Variants in DEPDC1B observed in about 807,000 individuals in gnomAD.
DEPDC1B encodes the protein DEP domain-containing protein 1B.
A neutral mutation model predicts 66.5 loss-of-function variants in DEPDC1B; 51 were observed. That is an observed-to-expected ratio of 0.77 (90% CI 0.61 to 0.97). DEPDC1B has a LOEUF of 0.97. Among genes scored for constraint, DEPDC1B ranks in the 50% least tolerant of loss-of-function variants. The pLI, the probability that DEPDC1B is intolerant of heterozygous loss-of-function variation, is 0.00. For synonymous variants in DEPDC1B, 226 were observed against 223.6 expected (o/e 1.01, Z -0.10); for missense variants, 552 against 637.1 (o/e 0.87, Z 1.44).
At chr5:60,653,602 TTTAA>T (rs1442124628) in intron 2 of DEPDC1B, among the ~76,000 whole-genome samples, 1 of 152,158 alleles carries the variant, frequency 6.6e-6, no homozygotes, top group Non-Finnish European at 1.5e-5. Flanking sequence ...AGCTTTTTAG[TTTAA>T]TTAAGTCCCA....
chr5:60,642,957 G>C, intron 5 of DEPDC1B, 98 bp from the exon 6 acceptor site: 1 of 837,398 alleles, frequency 1.2e-6, no homozygotes. Context: ...CAAGTAATAT[G>C]AACCATATCT....
At chr5:60,676,602 C>T (rs1754167811) in intron 2 of DEPDC1B, among the ~76,000 whole-genome samples, 1 of 152,176 alleles carries the variant, frequency 6.6e-6, no homozygotes, top group African/African-American at 2.4e-5. Context: ...TCCCTTTTCT[C>T]CCAGGAAGCT....
rs1330304999 is a variant in DEPDC1B at position 60,700,128 on chromosome 5, C to T, written c.-35G>A. 2 of 1,533,950 alleles carry T rather than the reference C, an allele frequency of 1.3e-6. No homozygotes were observed. The highest frequency in any genetic ancestry group is 1.2e-5 in the South Asian group (1 of 83,156). ...GCAGCAGCGGCCGCAGCCGCGCCAG[C>T]GCTGATCCCCGCCAGCCGGAGGAGC... is the stretch of plus-strand genomic sequence containing the variant. On this transcript the variant is annotated 5_prime_UTR_variant, in exon 1 of 11. Coordinates refer to ENST00000265036, the MANE Select transcript of DEPDC1B (RefSeq NM_018369.3).
At chr5:60,657,164 C>A (rs1452164133) in intron 2 of DEPDC1B, among the ~76,000 whole-genome samples, 3 of 152,146 alleles carry the variant, frequency 2.0e-5, no homozygotes, top group Non-Finnish European at 4.4e-5. Flanking sequence ...ACCCCGTTAC[C>A]TTTAGTTTAT....
chr5:60,656,960 T>C (rs938193820), intron 2 of DEPDC1B, among the ~76,000 whole-genome samples: 4 of 152,218 alleles, frequency 2.6e-5, no homozygotes, highest in African/African-American at 7.2e-5. Flanking sequence ...TTTTATAAAT[T>C]TGAAAGCTCC....
At chr5:60,610,845 G>T (rs79957719) in intron 7 of DEPDC1B, among the ~76,000 whole-genome samples, 1,798 of 152,124 alleles carry the variant, frequency 0.012, 33 homozygotes, top group African/African-American at 0.041. Context: ...AAACTTTTTT[G>T]ATTTTTCAGC....
intron 2 of DEPDC1B, among the ~76,000 whole-genome samples, chr5:60,657,360 G>T (rs1186398588): frequency 2.0e-5 from 3 of 151,244 alleles, no homozygotes; most frequent in South Asian, 2.1e-4. Flanking sequence ...ATACCTTGTT[G>T]TTTTTTTTCA....
At chr5:60,660,274 GAGAC>G (rs745699470) in intron 2 of DEPDC1B, among the ~76,000 whole-genome samples, 8 of 148,642 alleles carry the variant, frequency 5.4e-5, no homozygotes, top group Non-Finnish European at 7.4e-5. Flanking sequence ...GACAGAGAGA[GAGAC>G]AGAGAGGAGA....
At position 60,617,664 on chromosome 5, in the gene DEPDC1B, C is replaced by T. The variant is rs566211449; in HGVS notation, c.899-11808G>A. Among the ~76,000 whole-genome samples, 17 of 152,262 alleles carry T rather than the reference C, an allele frequency of 1.1e-4. No individual in the cohort carries two copies. In the East Asian group the frequency reaches 1.7e-3, roughly 16 times the overall value. On this transcript the variant is annotated intron_variant, in intron 7 of 10. Transcript: ENST00000265036. Reference sequence around the variant, plus strand: ...AAGTCCTTAGAGACCTACTAAGAGACGTAGACTCCCACACAATAATAATGG... The same window carrying T: ...AAGTCCTTAGAGACCTACTAAGAGATGTAGACTCCCACACAATAATAATGG...
At chr5:60,641,891 A>G (rs537616911) in intron 6 of DEPDC1B, among the ~76,000 whole-genome samples, 2 of 152,224 alleles carry the variant, frequency 1.3e-5, no homozygotes, top group African/African-American at 4.8e-5. Context: ...ACACAAACCA[A>G]TGGTTACTAT....
rs112370137 is a variant in DEPDC1B, at chr5:60,602,534, G to C, written c.1242+857C>G. Among the ~76,000 whole-genome samples the C allele has an allele frequency of 1.2e-3, 185 of 152,184 alleles. 2 individuals are homozygous for C. The highest frequency in any genetic ancestry group is 4.4e-3 in the African/African-American group (184 of 41,514). On this transcript the variant is annotated intron_variant, in intron 9 of 10. Coordinates refer to ENST00000265036, the MANE Select transcript of DEPDC1B (RefSeq NM_018369.3). ...CCAATCAGTCAGAAGGAGTCAAGTG[G>C]ACCTTCTGCCTGCCTTTACCAGGTT...
intron 2 of DEPDC1B, among the ~76,000 whole-genome samples, chr5:60,655,811 G>T (rs566701386): frequency 1.3e-5 from 2 of 148,740 alleles, no homozygotes; most frequent in Admixed American, 1.3e-4. Flanking sequence ...ATTTTCATAG[G>T]TTGGGTCACT....
intron 7 of DEPDC1B, among the ~76,000 whole-genome samples, chr5:60,610,153 T>C (rs1752386986): frequency 6.6e-6 from 1 of 152,182 alleles, no homozygotes; most frequent in Admixed American, 6.5e-5. Flanking sequence ...TATGAATGAA[T>C]GAATACATGA....
At chr5:60,617,924 T>C (rs902635310) in intron 7 of DEPDC1B, among the ~76,000 whole-genome samples, 3 of 152,160 alleles carry the variant, frequency 2.0e-5, no homozygotes, top group African/African-American at 7.2e-5. Flanking sequence ...AGAACAGAAA[T>C]TATGACAGAC....
intron 7 of DEPDC1B, among the ~76,000 whole-genome samples, chr5:60,620,238 T>A (rs896001350): frequency 2.6e-5 from 4 of 152,146 alleles, no homozygotes; most frequent in Admixed American, 1.3e-4. Flanking sequence ...GGGCAAGGAC[T>A]TCATGTCTAA....
intron 8 of DEPDC1B, among the ~76,000 whole-genome samples, chr5:60,605,038 A>G (rs1318134684): frequency 2.0e-5 from 3 of 152,220 alleles, no homozygotes; most frequent in African/African-American, 7.2e-5. Flanking sequence ...TTGCTCAAAG[A>G]CATTTTTTGA....
intron 6 of DEPDC1B, among the ~76,000 whole-genome samples, chr5:60,641,712 C>G (rs1039432532): frequency 1.3e-5 from 2 of 152,072 alleles, no homozygotes; most frequent in African/African-American, 4.8e-5. Flanking sequence ...CATTGTCAAC[C>G]CTAGACAAGG....
At chr5:60,639,457 T>C (rs959667157) in intron 6 of DEPDC1B, among the ~76,000 whole-genome samples, 1 of 152,226 alleles carries the variant, frequency 6.6e-6, no homozygotes, top group African/African-American at 2.4e-5. Context: ...AAGGGGATTT[T>C]ATATTTTGTC....
intron 2 of DEPDC1B, among the ~76,000 whole-genome samples, chr5:60,659,649 A>C (rs542466694): frequency 6.6e-6 from 1 of 152,174 alleles, no homozygotes; most frequent in Non-Finnish European, 1.5e-5. Flanking sequence ...CCAGCCGCCC[A>C]TGTATGCGCC....
Sources: gnomAD v4.1 joint callset for allele counts (sites outside exome capture counted in the v4.1 genomes callset) on GRCh38, gnomAD v4.1.1 for gene constraint, MANE v1.5 for transcripts, NCBI Gene and HGNC (gene_info 2026-07-23, HGNC 2026-07-21) for gene names.